FBXW10: variants seen among roughly 807,000 people sequenced by gnomAD.
FBXW10 encodes F-box and WD repeat domain containing 10, also known as F-box/WD repeat-containing protein 10.
FBXW10 carries 68 observed loss-of-function variants against 113.1 expected under a neutral mutation model. The ratio of observed to expected loss-of-function variants is 0.60; its 90% confidence interval spans 0.49 to 0.74. FBXW10 has a LOEUF of 0.74. Among genes scored for constraint, FBXW10 ranks in the 30% least tolerant of loss-of-function variants. The pLI is 0.00. For synonymous variants in FBXW10, 289 were observed against 481.6 expected (o/e 0.60, Z 5.24); for missense variants, 753 against 1,284.5 (o/e 0.59, Z 6.32).
intron 13 of FBXW10, among the ~76,000 whole-genome samples, chr17:18,778,239 C>A (rs1243180740): frequency 6.6e-6 from 1 of 152,104 alleles, no homozygotes; most frequent in Non-Finnish European, 1.5e-5. Flanking sequence ...GGTGACAGAG[C>A]GAGACTCCGT....
At position 18,766,740 on chromosome 17, in the gene FBXW10, C is replaced by G. The variant is rs368003711; in HGVS notation, c.1582C>G (p.Leu528Val). Residue 528 changes from leucine (L) to valine (V), a missense_variant, in exon 9 of 14, where the codon CTG becomes GTG. Physicochemically the swap from Leu to Val is conservative, Grantham distance 32. Coordinates refer to ENST00000395665, the MANE Select transcript of FBXW10 (RefSeq NM_001267585.2). ...KVWDVDTGKCLKTFRHKDPIL... is the reference protein window; with the variant it reads ...KVWDVDTGKCVKTFRHKDPIL... Reference sequence around the variant, plus strand: ...ATGGGATGTAGACACAGGGAAGTGCCTGAAGACGTTTAGACACAAAGACCC... The same window carrying G: ...ATGGGATGTAGACACAGGGAAGTGCGTGAAGACGTTTAGACACAAAGACCC... 6 of 1,613,654 alleles carry G rather than the reference C, an allele frequency of 3.7e-6. No individual in the cohort carries two copies. Among genetic ancestry groups the G allele is most frequent in the South Asian group, 1.1e-5 (1 of 91,064 alleles).
chr17:18,750,075 C>T lies in FBXW10; in HGVS notation c.937C>T (p.Gln313Ter), dbSNP rs767736420. The T allele has an allele frequency of 1.2e-5, 20 of 1,613,324 alleles. 1 individual carries two copies. Among genetic ancestry groups the T allele is most frequent in the Non-Finnish European group, 1.6e-5 (19 of 1,179,794 alleles). ...SVSQHWAAMA[Q>*]QVKMDLSAHG... ...GAGCCAGCACTGGGCCGCCATGGCT[C>T]AACAGGTCAAGATGGACTTGTCAGC... is the stretch of plus-strand genomic sequence containing the variant. Residue 313 changes from glutamine to a stop codon, truncating the protein, a stop_gained, in exon 4 of 14, where the codon CAA becomes TAA. Coordinates refer to ENST00000395665, the MANE Select transcript of FBXW10 (RefSeq NM_001267585.2). LOFTEE classifies it high-confidence loss of function.
At chr17:18,747,295 T>A (rs1178615363) in intron 1 of FBXW10, among the ~76,000 whole-genome samples, 1 of 152,166 alleles carries the variant, frequency 6.6e-6, no homozygotes, top group Non-Finnish European at 1.5e-5. Context: ...GCGCAGTGGC[T>A]CACGCTTGTA....
intron 11 of FBXW10, among the ~76,000 whole-genome samples, chr17:18,772,129 A>T (rs1038831338): frequency 1.3e-5 from 2 of 152,170 alleles, no homozygotes; most frequent in African/African-American, 4.8e-5. Context: ...TAAAAATAAA[A>T]AATAAAAAAG....
Position 18,772,422 on chromosome 17 carries a change from AAC to A in FBXW10, c.2021_2022del (p.Thr674ArgfsTer10). The A allele has an allele frequency of 1.9e-6, 3 of 1,613,538 alleles. No individual in the cohort carries two copies. Among genetic ancestry groups the A allele is most frequent in the East Asian group, 2.2e-5 (1 of 44,882 alleles). On this transcript the variant is annotated frameshift_variant, in exon 12 of 14. Transcript: ENST00000395665. LOFTEE classifies it high-confidence loss of function. ...TTGTTTCGGTTCCAGGATGGTGGTC[AAC>A]ACAGAGAGCAATGTTCTCATGTTCC... ...FFIQGNRMVV[N>X]TESNVLMFQF...
chr17:18,773,465 A>T (rs996619532), intron 12 of FBXW10, among the ~76,000 whole-genome samples: 11 of 152,310 alleles, frequency 7.2e-5, no homozygotes, highest in African/African-American at 2.6e-4. Flanking sequence ...GTAGCTGGAA[A>T]ATCTTACGTA....
intron 8 of FBXW10, among the ~76,000 whole-genome samples, chr17:18,765,292 C>T (rs2035473526): frequency 6.6e-6 from 1 of 152,162 alleles, no homozygotes; most frequent in Non-Finnish European, 1.5e-5. Context: ...CTCACTAGAG[C>T]CCCATTGGTA....
At chr17:18,774,027 A>G (rs994821750) in intron 12 of FBXW10, among the ~76,000 whole-genome samples, 1 of 151,948 alleles carries the variant, frequency 6.6e-6, no homozygotes, top group African/African-American at 2.4e-5. Flanking sequence ...GCTACTATTG[A>G]TTACACTCTA....
chr17:18,744,627 G>A lies in FBXW10; in HGVS notation c.383G>A (p.Ser128Asn). ...MKEILYWFAN[S>N]TQWTKANYTL... is the part of the protein sequence containing the mutation. Reference sequence around the variant, plus strand: ...GAGATCTTGTACTGGTTTGCGAACAGCACCCAGTGGACCAAGGCGAATTAT... The same window carrying A: ...GAGATCTTGTACTGGTTTGCGAACAACACCCAGTGGACCAAGGCGAATTAT... Residue 128 changes from serine (S) to asparagine (N), a missense_variant, in exon 1 of 14, where the codon AGC becomes AAC. Transcript: ENST00000395665. 1 of 1,613,972 alleles carries A rather than the reference G, an allele frequency of 6.2e-7. No homozygotes were observed. Among genetic ancestry groups the A allele is most frequent in the Non-Finnish European group, 8.5e-7 (1 of 1,179,876 alleles).
At chr17:18,756,811 A>C (rs2035273614) in intron 6 of FBXW10, among the ~76,000 whole-genome samples, 1 of 152,188 alleles carries the variant, frequency 6.6e-6, no homozygotes, top group Non-Finnish European at 1.5e-5. Context: ...TTATATTCAC[A>C]AGGTTTTGCA....
At chr17:18,770,796 A>G (rs12945049) in intron 11 of FBXW10, among the ~76,000 whole-genome samples, 4,118 of 151,958 alleles carry the variant, frequency 0.027, 71 homozygotes, top group Non-Finnish European at 0.043. Flanking sequence ...AGGAGAGTGG[A>G]GGGTGGCAGC....
In FBXW10 at chr17:18,750,982, C is replaced by A. The variant is rs762916065; in HGVS notation, c.1051C>A (p.Pro351Thr). 6.2e-7 allele frequency: 1 copy of A among 1,614,036 alleles called. No individual in the cohort carries two copies. The highest frequency in any genetic ancestry group is 1.1e-5 in the South Asian group (1 of 91,088). The change falls in exon 5 of 14, where the codon CCA (proline) becomes ACA (threonine). Residue 351 changes from proline (P) to threonine (T), a missense_variant. Physicochemically the swap from Pro to Thr is conservative, Grantham distance 38. Transcript: ENST00000395665. Reference protein sequence around the residue: ...DPNYANKVSIPVPKMVDDGKS... With the variant: ...DPNYANKVSITVPKMVDDGKS... ...TAATTATGCCAATAAGGTTTCTATC[C>A]CAGTTCCTAAAATGGTAGATGACGG...
intron 13 of FBXW10, among the ~76,000 whole-genome samples, chr17:18,775,919 G>A (rs1220169484): frequency 6.6e-6 from 1 of 151,986 alleles, no homozygotes; most frequent in African/African-American, 2.4e-5. Flanking sequence ...TAGCTACTCA[G>A]GAAGCTGAGG....
intron 12 of FBXW10, among the ~76,000 whole-genome samples, chr17:18,774,142 C>T (rs539940892): frequency 6.6e-6 from 1 of 152,288 alleles, no homozygotes; most frequent in East Asian, 1.9e-4. Flanking sequence ...GCTTAACATT[C>T]TGCTGTAAAG....
intron 7 of FBXW10, among the ~76,000 whole-genome samples, chr17:18,759,102 G>A (rs563833346): frequency 2.0e-5 from 3 of 152,114 alleles, no homozygotes; most frequent in East Asian, 1.9e-4. Context: ...CCTGGGAGGT[G>A]GAGCTTGCAG....
Position 18,745,276 on chromosome 17 carries a change from A to G in FBXW10, c.505+527A>G, listed in dbSNP as rs557174791. 5 of 921,658 alleles carry G rather than the reference A, an allele frequency of 5.4e-6. No homozygotes were observed. The African/African-American group carries it at 9.0e-5, about 17-fold the overall frequency. 57.1% of individuals were successfully genotyped at this position (921,658 alleles called of 1,614,324 possible). The stretch of plus-strand genomic sequence containing the variant: ...GTAGAGTTTCTCCAAGGCTGGAGAT[A>G]GCTTAAGGGCCAAATAAGTCTAGGG... On this transcript the variant is annotated intron_variant, in intron 1 of 13. Coordinates refer to ENST00000395665, the MANE Select transcript of FBXW10 (RefSeq NM_001267585.2).
intron 2 of FBXW10, 94 bp downstream of exon 2, chr17:18,748,199 C>A (rs1021820236): frequency 8.3e-6 from 13 of 1,562,918 alleles, no homozygotes; most frequent in African/African-American, 4.1e-5. Context: ...GCAAGCAGAT[C>A]ATGAGGTCAG....
At chr17:18,758,233 A>T in intron 6 of FBXW10, 72 bp from the exon 7 acceptor site, 1 of 1,249,690 alleles carries the variant, frequency 8.0e-7, no homozygotes, top group Non-Finnish European at 1.1e-6. Flanking sequence ...GGCAAAAGTC[A>T]TGGGGCTAAG....
intron 11 of FBXW10, among the ~76,000 whole-genome samples, chr17:18,770,489 A>T (rs1279844720): frequency 6.6e-6 from 1 of 151,846 alleles, no homozygotes; most frequent in Non-Finnish European, 1.5e-5. Context: ...TTTTTAGTAG[A>T]GACGGGGTTT....
Sources: gnomAD v4.1 joint callset for allele counts (sites outside exome capture counted in the v4.1 genomes callset) on GRCh38, gnomAD v4.1.1 for gene constraint, MANE v1.5 for transcripts, NCBI Gene and HGNC (gene_info 2026-07-23, HGNC 2026-07-21) for gene names.